The following EMG1 variants were observed in gnomAD, a reference collection of about 807,000 sequenced individuals.
The protein encoded by EMG1 is EMG1 N1-specific pseudouridine methyltransferase.
Under a neutral mutation model 26.9 loss-of-function variants are expected in EMG1, and 24 were observed. The ratio of observed to expected loss-of-function variants is 0.89; its 90% CI spans 0.65 to 1.26. The LOEUF is 1.26. Ranked by LOEUF, EMG1 falls within the 50% of genes most tolerant of loss-of-function variation. The pLI is 0.00. For missense variants in EMG1, 299 were observed against 307.6 expected (o/e 0.97, Z 0.21); for synonymous variants, 140 against 112.6 (o/e 1.24, Z -1.54).
downstream of EMG1, chr12:6,981,958 T>C (rs1565598366): frequency 1.1e-6 from 1 of 926,398 alleles, no homozygotes; most frequent in Non-Finnish European, 1.8e-6. Context: ...TTCTCCTTGC[T>C]CTGAAATTCA....
intron 1 of EMG1, among the ~76,000 whole-genome samples, chr12:6,971,906 T>C (rs1190182139): frequency 6.6e-6 from 1 of 152,202 alleles, no homozygotes; most frequent in Non-Finnish European, 1.5e-5. Context: ...ATTCATCTCT[T>C]TCCCCACATG....
intron 7 of EMG1, among the ~76,000 whole-genome samples, chr12:6,995,458 A>G (rs1946628413): frequency 6.6e-6 from 1 of 150,412 alleles, no homozygotes; most frequent in Non-Finnish European, 1.5e-5. Context: ...TGGGCAACAG[A>G]GCCAGACTCC....
At chr12:6,983,243 C>T, downstream of EMG1, 3 of 529,676 alleles carry the variant, frequency 5.7e-6, no homozygotes, top group Non-Finnish European at 6.8e-6. Context: ...ATGTTTTTAT[C>T]TGACAGAAGA....
rs1946413538 is a variant in EMG1 at position 6,977,171 on chromosome 12, T to A, written c.*1362T>A. On this transcript the variant is annotated 3_prime_UTR_variant, in exon 6 of 6. Coordinates refer to ENST00000599672, the MANE Select transcript of EMG1 (RefSeq NM_006331.8). The surrounding 1 kb of genome is among the most constrained non-coding windows in gnomAD (Gnocchi z 4.5). The stretch of plus-strand genomic sequence containing the variant: ...TTATTCCATCTTCTTTAACTTCTCT[T>A]TCCTTGGCACCATTGCTTTGTGAAT... 1.2e-6 allele frequency: 2 copies of A among 1,612,368 alleles called. No homozygotes were observed. Among genetic ancestry groups the A allele is most frequent in the Non-Finnish European group, 1.7e-6 (2 of 1,178,456 alleles).
chr12:6,974,320 C>T lies in EMG1; in HGVS notation c.169-19C>T. The T allele has an allele frequency of 6.4e-7, 1 of 1,571,082 alleles. No homozygotes were observed. Among genetic ancestry groups the T allele is most frequent in the Non-Finnish European group, 8.7e-7 (1 of 1,144,550 alleles). Reference sequence around the variant, plus strand: ...ACAGAAGCTTATGCTGTTCTCTCGTCATGTTCCCTGTTCTTCAGGTAGGGA... The same window carrying T: ...ACAGAAGCTTATGCTGTTCTCTCGTTATGTTCCCTGTTCTTCAGGTAGGGA... On this transcript the variant is annotated intron_variant, in intron 1 of 5. Transcript: ENST00000599672.
chr12:6,975,019 T>C (rs1191366327), intron 3 of EMG1, 71 bp from the exon 4 acceptor site: 2 of 1,475,954 alleles, frequency 1.4e-6, no homozygotes, highest in Non-Finnish European at 1.9e-6. Flanking sequence ...CATGGGGTTT[T>C]CCTTGTTCGA....
In EMG1 at chr12:6,979,208, A is replaced by C. The variant is rs1946443620; in HGVS notation, c.*3399A>C. 1 of 511,278 alleles carries C rather than the reference A, an allele frequency of 2.0e-6. No individual in the cohort carries two copies. The highest frequency in any genetic ancestry group is 3.4e-5 in the East Asian group (1 of 29,566). The allele number at this position is 511,278 out of a possible 1,614,324, so 31.7% of individuals were successfully genotyped here. ...CTCTGAGGGGTCACGTGGATGTGAT[A>C]AGGCAAGCTAGGAGCGGCTCCTAGA... On this transcript the variant is annotated 3_prime_UTR_variant, in exon 6 of 6. Coordinates refer to ENST00000599672, the MANE Select transcript of EMG1 (RefSeq NM_006331.8).
At chr12:6,973,020 T>C (rs914742266) in intron 1 of EMG1, among the ~76,000 whole-genome samples, 2 of 151,456 alleles carry the variant, frequency 1.3e-5, no homozygotes, top group African/African-American at 4.9e-5. Flanking sequence ...TTTTTTTTTT[T>C]TGTGAGACAG....
chr12:6,977,808 C>T lies in EMG1; in HGVS notation c.*1999C>T, dbSNP rs1946425185. On this transcript the variant is annotated 3_prime_UTR_variant, in exon 6 of 6. Transcript: ENST00000599672. This position sits in a 1 kb window ranked among gnomAD's most constrained non-coding sequence, Gnocchi z 4.5. ...CTGGTCCTTGCATCCCGCCACCTGC[C>T]TCTGGGTCCTCACCCTGAGGATTGG... 6.3e-7 allele frequency: 1 copy of T among 1,591,780 alleles called. No individual in the cohort carries two copies. Among genetic ancestry groups the T allele is most frequent in the Non-Finnish European group, 8.6e-7 (1 of 1,163,948 alleles).
At chr12:6,991,334 C>T (rs1328798362), downstream of EMG1, among the ~76,000 whole-genome samples, 3 of 152,150 alleles carry the variant, frequency 2.0e-5, no homozygotes, top group Non-Finnish European at 2.9e-5. Flanking sequence ...CAGTTAGGAA[C>T]TTTTGTTATA....
chr12:6,995,893 TATC>T (rs1946632252), intron 7 of EMG1, among the ~76,000 whole-genome samples: 1 of 152,188 alleles, frequency 6.6e-6, no homozygotes. Context: ...ATTATTAATA[TATC>T]ATTATTATAT....
At chr12:6,974,254 G>A in intron 1 of EMG1, 85 bp from the exon 2 acceptor site, 1 of 939,438 alleles carries the variant, frequency 1.1e-6, no homozygotes, top group African/African-American at 1.6e-5. Flanking sequence ...GCTGCTGCTG[G>A]TAGTTTGGGG....
chr12:6,986,795 CAAAAAAAAAAAAA>C (rs1157395768), intron 6 of EMG1, among the ~76,000 whole-genome samples: 2 of 33,924 alleles, frequency 5.9e-5, no homozygotes, highest in African/African-American at 1.1e-4. Context: ...GACTCTGTCT[CAAAAAAAAAAAAA>C]AAAAAAAAAA....
chr12:6,990,123 A>T (rs1946573529), downstream of EMG1, among the ~76,000 whole-genome samples: 1 of 151,488 alleles, frequency 6.6e-6, no homozygotes, highest in South Asian at 2.1e-4. Flanking sequence ...AGCTACAATG[A>T]GCTACGATGA....
chr12:6,976,215 T>C lies in EMG1; in HGVS notation c.*406T>C, dbSNP rs1555153151. On this transcript the variant is annotated 3_prime_UTR_variant, in exon 6 of 6. Coordinates refer to ENST00000599672, the MANE Select transcript of EMG1 (RefSeq NM_006331.8). Reference sequence around the variant, plus strand: ...AACTGAACAAACAGAAGTGATTTTATCTAATACAGTTCCAAGGTAGAAAAA... The same window carrying C: ...AACTGAACAAACAGAAGTGATTTTACCTAATACAGTTCCAAGGTAGAAAAA... 1 of 167,574 alleles carries C rather than the reference T, an allele frequency of 6.0e-6. No homozygotes were observed. The highest frequency in any genetic ancestry group is 1.3e-5 in the Non-Finnish European group (1 of 77,950). The allele number at this position is 167,574 out of a possible 1,614,324, so 10.4% of individuals were successfully genotyped here. A position where few individuals can be genotyped will look rare whatever the true frequency, so the allele number is the denominator to read the frequency against.
intron 6 of EMG1, among the ~76,000 whole-genome samples, chr12:6,986,174 G>T (rs1946524130): frequency 6.6e-6 from 1 of 151,826 alleles, no homozygotes; most frequent in South Asian, 2.1e-4. Flanking sequence ...ACACAATTTT[G>T]AACAGCAAGG....
downstream of EMG1, among the ~76,000 whole-genome samples, chr12:6,980,122 G>A (rs1225119003): frequency 2.0e-5 from 3 of 149,382 alleles, no homozygotes; most frequent in Non-Finnish European, 3.0e-5. Flanking sequence ...GTCATTGCTC[G>A]CTGTGGCCTT....
chr12:6,994,152 T>C (rs1447420466), intron 7 of EMG1, among the ~76,000 whole-genome samples: 6 of 152,146 alleles, frequency 3.9e-5, no homozygotes, highest in African/African-American at 1.4e-4. Context: ...TGAACATATG[T>C]TTTTATGTTT....
In EMG1 at chr12:6,987,389, G is replaced by A. The variant is rs1172806734; in HGVS notation, c.*155-393G>A. 1.3e-5 allele frequency among the ~76,000 whole-genome samples: 2 copies of A among 152,176 alleles called. No individual in the cohort carries two copies. The highest frequency in any genetic ancestry group is 4.8e-5 in the African/African-American group (2 of 41,436). On this transcript the variant is annotated intron_variant and NMD_transcript_variant, in intron 6 of 7. Transcript: ENST00000261406. This position sits in a 1 kb window ranked among gnomAD's most constrained non-coding sequence, Gnocchi z 4.1. ...ATAGGATCACTAGCTCTAGGGAGGT[G>A]GAGACATCTATGACCCTTTCAGGTA... is the stretch of plus-strand genomic sequence containing the variant.
Sources: gnomAD v4.1 joint callset for allele counts (sites outside exome capture counted in the v4.1 genomes callset) on GRCh38, gnomAD v4.1.1 for gene constraint, Gnocchi (gnomAD v3.1) non-coding constraint, MANE v1.5 for transcripts, NCBI Gene and HGNC (gene_info 2026-07-23, HGNC 2026-07-21) for gene names.